The following MSH3 variants were observed in gnomAD, a reference collection of about 807,000 sequenced individuals.
MSH3 encodes mutS homolog 3.
In MSH3, 106 loss-of-function variants were observed where a neutral mutation model predicts 123.3. The observed-to-expected ratio is 0.86, with a 90% CI of 0.73 to 1.01. The LOEUF (loss-of-function observed/expected upper bound fraction) is 1.01, where lower values mean the gene tolerates loss of function less well. Ranked by LOEUF, MSH3 falls within the 50% of genes least tolerant of loss-of-function variation. MSH3 has a pLI of 0.00. For missense variants in MSH3, 1,459 were observed against 1,347.6 expected, an observed-to-expected ratio of 1.08 and a Z score of -1.29; for synonymous variants, 515 against 481.4, an observed-to-expected ratio of 1.07 and a Z score of -0.91.
At chr5:80,866,425 T>C (rs190472086) in intron 22 of MSH3, among the ~76,000 whole-genome samples, 1 of 152,278 alleles carries the variant, frequency 6.6e-6, no homozygotes, top group African/African-American at 2.4e-5. Context: ...AGGGATGAGC[T>C]ACCTTGCCTA....
chr5:80,665,111 T>G, intron 2 of MSH3, 32 bp from the exon 3 acceptor site: 2 of 1,563,332 alleles, frequency 1.3e-6, no homozygotes, highest in Non-Finnish European at 1.8e-6. Flanking sequence ...AAAATTACTA[T>G]TGTTCTGTTT....
intron 3 of MSH3, among the ~76,000 whole-genome samples, chr5:80,665,758 G>C (rs781167263): frequency 3.3e-5 from 5 of 152,198 alleles, no homozygotes; most frequent in Non-Finnish European, 4.4e-5. Flanking sequence ...TCAGTTGAAA[G>C]CTTGATAGAT....
intron 21 of MSH3, among the ~76,000 whole-genome samples, chr5:80,857,391 T>A (rs553058901): frequency 5.9e-5 from 9 of 152,362 alleles, no homozygotes; most frequent in African/African-American, 2.2e-4. Flanking sequence ...ATTAAGGTAA[T>A]GCTGGCCTCA....
chr5:80,724,441 T>C (rs527381420), intron 8 of MSH3, among the ~76,000 whole-genome samples: 1 of 152,132 alleles, frequency 6.6e-6, no homozygotes, highest in Admixed American at 6.5e-5. Flanking sequence ...TGAAAAAATA[T>C]GGAAAGATTC....
At chr5:80,789,435 A>G (rs1744570812) in intron 18 of MSH3, among the ~76,000 whole-genome samples, 1 of 148,166 alleles carries the variant, frequency 6.7e-6, no homozygotes. Context: ...CAATGGTGCG[A>G]TCTCGGCTCA....
intron 20 of MSH3, among the ~76,000 whole-genome samples, chr5:80,839,141 C>T (rs1301927273): frequency 2.0e-5 from 3 of 152,050 alleles, no homozygotes; most frequent in Admixed American, 6.6e-5. Flanking sequence ...CTGAGGCAGG[C>T]GGATCACTTG....
rs1183003748 is a variant in MSH3, at chr5:80,864,904, G to C, written c.3092G>C (p.Gly1031Ala). The C allele has an allele frequency of 2.5e-6, 4 of 1,613,842 alleles. No homozygotes were observed. The Admixed American group carries it at 6.7e-5, about 27-fold the overall frequency. Residue 1031 changes from glycine (G) to alanine (A), a missense_variant, in exon 22 of 24, where the codon GGA becomes GCA. Gly to Ala is a moderately conservative substitution (Grantham distance 60). Coordinates refer to ENST00000265081, the MANE Select transcript of MSH3 (RefSeq NM_002439.5). ...YSHQVGNYHM[G>A]FLVSEDESKL... The stretch of plus-strand genomic sequence containing the variant: ...CACCAGGTGGGGAATTACCACATGG[G>C]ATTCTTGGTCAGTGAGGATGAAAGC...
chr5:80,670,823 T>G (rs147586088), intron 4 of MSH3, among the ~76,000 whole-genome samples: 1 of 152,222 alleles, frequency 6.6e-6, no homozygotes, highest in Non-Finnish European at 1.5e-5. Context: ...GGTGTCTTAG[T>G]CTAAATTGGG....
At chr5:80,818,186 T>A (rs1745138221) in intron 20 of MSH3, among the ~76,000 whole-genome samples, 1 of 151,986 alleles carries the variant, frequency 6.6e-6, no homozygotes, top group Admixed American at 6.6e-5. Flanking sequence ...GCCACTGCAC[T>A]CCAGCCTGGG....
chr5:80,864,319 C>T (rs1746063703), intron 21 of MSH3, among the ~76,000 whole-genome samples: 1 of 152,060 alleles, frequency 6.6e-6, no homozygotes, highest in Non-Finnish European at 1.5e-5. Context: ...ATAAGTGCCC[C>T]CTCCACCCAC....
At chr5:80,722,013 ATTTG>A (rs1340654393) in intron 8 of MSH3, among the ~76,000 whole-genome samples, 3 of 152,200 alleles carry the variant, frequency 2.0e-5, no homozygotes, top group Non-Finnish European at 4.4e-5. Flanking sequence ...GCCCATGAGA[ATTTG>A]TTTAACTGTT....
intron 10 of MSH3, among the ~76,000 whole-genome samples, chr5:80,732,534 T>TA (rs1743431331): frequency 6.6e-6 from 1 of 152,070 alleles, no homozygotes; most frequent in African/African-American, 2.4e-5. Context: ...GATATTTCCC[T>TA]AAAAAACACA....
At chr5:80,833,930 A>G (rs1250402777) in intron 20 of MSH3, among the ~76,000 whole-genome samples, 2 of 152,246 alleles carry the variant, frequency 1.3e-5, no homozygotes, top group African/African-American at 2.4e-5. Flanking sequence ...AAAGCCAGGT[A>G]TAAGATGTTA....
intron 11 of MSH3, among the ~76,000 whole-genome samples, chr5:80,743,280 C>T (rs1743650432): frequency 6.6e-6 from 1 of 152,164 alleles, no homozygotes; most frequent in South Asian, 2.1e-4. Context: ...CTGATCTGAA[C>T]TGCCCTCCTT....
Position 80,744,539 on chromosome 5 carries a change from G to A in MSH3, c.1687G>A (p.Val563Ile), listed in dbSNP as rs2112868875. ...DMKTKGSLLWVLDHTKTSFGR... is the reference protein window; with the variant it reads ...DMKTKGSLLWILDHTKTSFGR... ...GAAAACCAAAGGAAGTTTGCTGTGG[G>A]TTTTAGACCACACTAAAACTTCATT... is the stretch of plus-strand genomic sequence containing the variant. Residue 563 changes from valine (V) to isoleucine (I), a missense_variant, in exon 12 of 24, where the codon GTT becomes ATT. By Grantham distance (29) the Val-to-Ile change is conservative. Coordinates refer to ENST00000265081, the MANE Select transcript of MSH3 (RefSeq NM_002439.5). 6.2e-7 allele frequency: 1 copy of A among 1,613,858 alleles called. No homozygotes were observed.
At position 80,758,177 on chromosome 5, in the gene MSH3, G is replaced by C. The variant is rs189421191; in HGVS notation, c.1764-3369G>C. 1.3e-3 allele frequency among the ~76,000 whole-genome samples: 192 copies of C among 152,228 alleles called. 2 individuals carry two copies. Among genetic ancestry groups the C allele is most frequent in the African/African-American group, 4.5e-3 (187 of 41,550 alleles). ...AGCTTTTCTTGTATAATTCCCACTT[G>C]TTGTTCACTTTGCACAAAATACCTG... On this transcript the variant is annotated intron_variant, in intron 12 of 23. Coordinates refer to ENST00000265081, the MANE Select transcript of MSH3 (RefSeq NM_002439.5).
At chr5:80,808,486 T>C (rs1175624891) in intron 19 of MSH3, among the ~76,000 whole-genome samples, 2 of 152,134 alleles carry the variant, frequency 1.3e-5, no homozygotes, top group African/African-American at 2.4e-5. Flanking sequence ...TAAGGGTCAT[T>C]TTGTTCTCTC....
intron 19 of MSH3, among the ~76,000 whole-genome samples, chr5:80,797,904 G>A (rs1744726387): frequency 6.6e-6 from 1 of 151,952 alleles, no homozygotes; most frequent in Admixed American, 6.6e-5. Context: ...AAACCCCAGC[G>A]AACCCACTGC....
At position 80,732,315 on chromosome 5, in the gene MSH3, T is replaced by C. The variant is rs563156475; in HGVS notation, c.1568+3350T>C. Among the ~76,000 whole-genome samples, 7 of 152,302 alleles carry C rather than the reference T, an allele frequency of 4.6e-5. No individual in the cohort carries two copies. In the South Asian group the frequency reaches 8.3e-4, roughly 18 times the overall value. The stretch of plus-strand genomic sequence containing the variant: ...GAGTGGTCACAACTTCAAAAAGATA[T>C]TGGAAATTTTAGGAAAGAGTGAGAA... On this transcript the variant is annotated intron_variant, in intron 10 of 23. Coordinates refer to ENST00000265081, the MANE Select transcript of MSH3 (RefSeq NM_002439.5).
Sources: gnomAD v4.1 joint callset for allele counts (sites outside exome capture counted in the v4.1 genomes callset) on GRCh38, gnomAD v4.1.1 for gene constraint, MANE v1.5 for transcripts, NCBI Gene and HGNC (gene_info 2026-07-23, HGNC 2026-07-21) for gene names.